The following PRKN variants were observed in gnomAD, a reference collection of about 807,000 sequenced individuals.
The protein encoded by PRKN is E3 ubiquitin-protein ligase parkin.
PRKN carries 56 observed loss-of-function variants against 59.5 expected under a neutral mutation model. That is an observed-to-expected ratio of 0.94 (90% CI 0.76 to 1.18). The LOEUF (loss-of-function observed/expected upper bound fraction) is 1.18, where lower values mean the gene tolerates loss of function less well. Ranked by LOEUF, PRKN falls within the 50% of genes most tolerant of loss-of-function variation. PRKN has a pLI of 0.00. For synonymous variants in PRKN, 250 were observed against 222.1 expected (o/e 1.13, Z -1.12); for missense variants, 657 against 596.4 (o/e 1.10, Z -1.06).
At chr6:162,514,761 T>C (rs1777773768) in intron 1 of PRKN, among the ~76,000 whole-genome samples, 1 of 152,070 alleles carries the variant, frequency 6.6e-6, no homozygotes, top group Non-Finnish European at 1.5e-5. Context: ...GAGACCCATC[T>C]CTATAAAAGA....
intron 7 of PRKN, among the ~76,000 whole-genome samples, chr6:161,604,756 G>A (rs1455537915): frequency 2.6e-5 from 4 of 152,212 alleles, no homozygotes; most frequent in South Asian, 4.1e-4. Context: ...CTAACATGGC[G>A]AAACCCTGTC....
At chr6:161,779,127 A>G (rs949991581) in intron 7 of PRKN, among the ~76,000 whole-genome samples, 2 of 151,970 alleles carry the variant, frequency 1.3e-5, no homozygotes, top group Non-Finnish European at 2.9e-5. Flanking sequence ...TTCACTGGAC[A>G]CGGGGTTTCA....
At chr6:162,045,549 A>G (rs1001600932) in intron 5 of PRKN, among the ~76,000 whole-genome samples, 1 of 152,238 alleles carries the variant, frequency 6.6e-6, no homozygotes, top group African/African-American at 2.4e-5. Flanking sequence ...TATGCTTATA[A>G]TTTCCATTCT....
intron 3 of PRKN, among the ~76,000 whole-genome samples, chr6:162,240,075 G>A (rs184636325): frequency 7.8e-4 from 119 of 152,176 alleles, no homozygotes; most frequent in Middle Eastern, 6.8e-3. Context: ...ATTTGTTCAC[G>A]AATGTCAATA....
In PRKN at chr6:161,475,636, G is replaced by A. The variant is rs1327135384; in HGVS notation, c.1083+73218C>T. Among the ~76,000 whole-genome samples, 2 of 152,026 alleles carry A rather than the reference G, an allele frequency of 1.3e-5. No individual in the cohort carries two copies. Among genetic ancestry groups the A allele is most frequent in the African/African-American group, 4.8e-5 (2 of 41,412 alleles). On this transcript the variant is annotated intron_variant, in intron 9 of 11. Transcript: ENST00000366898. The surrounding 1 kb of genome is among the most constrained non-coding windows in gnomAD (Gnocchi z 5.3). ...TCCCACCTCAGCCTTTTGGGTAGCT[G>A]AGGCATTTTTGTATTTTTTGTAGAG... is the stretch of plus-strand genomic sequence containing the variant.
At chr6:162,655,440 T>A (rs891754648) in intron 1 of PRKN, among the ~76,000 whole-genome samples, 3 of 152,182 alleles carry the variant, frequency 2.0e-5, no homozygotes, top group African/African-American at 7.2e-5. Context: ...TTTATTTTTT[T>A]AAGCGTATAT....
At chr6:162,464,895 C>T (rs1336998620) in intron 1 of PRKN, among the ~76,000 whole-genome samples, 1 of 94,216 alleles carries the variant, frequency 1.1e-5, no homozygotes, top group Non-Finnish European at 2.8e-5. Flanking sequence ...TTTTAAGAGC[C>T]CCCCCTCCTC....
At position 161,538,643 on chromosome 6, in the gene PRKN, G is replaced by A. The variant is rs185685635; in HGVS notation, c.1083+10211C>T. Among the ~76,000 whole-genome samples, 13 of 152,214 alleles carry A rather than the reference G, an allele frequency of 8.5e-5. No individual in the cohort carries two copies. The highest frequency in any genetic ancestry group is 2.6e-4 in the African/African-American group (11 of 41,538). ...CCTGGGGCCCACTGAGATGCCAAGC[G>A]GAGAAGGAGGAAAAATGGCTGCATT... is the stretch of plus-strand genomic sequence containing the variant. On this transcript the variant is annotated intron_variant, in intron 9 of 11. Transcript: ENST00000366898. The surrounding 1 kb of genome is among the most constrained non-coding windows in gnomAD (Gnocchi z 4.2).
At chr6:162,247,023 T>C (rs565287718) in intron 3 of PRKN, among the ~76,000 whole-genome samples, 2 of 152,028 alleles carry the variant, frequency 1.3e-5, no homozygotes, top group South Asian at 4.2e-4. Flanking sequence ...ATACATACTA[T>C]AGAATGGCTA....
At chr6:162,510,964 A>C (rs1047315057) in intron 1 of PRKN, among the ~76,000 whole-genome samples, 4 of 50,438 alleles carry the variant, frequency 7.9e-5, no homozygotes, top group African/African-American at 2.7e-4. Flanking sequence ...ATATATACAT[A>C]TATATATATA....
intron 7 of PRKN, among the ~76,000 whole-genome samples, chr6:161,639,710 T>A (rs1304818432): frequency 1.3e-5 from 2 of 152,216 alleles, no homozygotes; most frequent in Non-Finnish European, 2.9e-5. Context: ...ACCCTCTGTG[T>A]ATCTTTGCCA....
At chr6:162,347,177 T>A (rs1256020783) in intron 2 of PRKN, among the ~76,000 whole-genome samples, 1 of 151,566 alleles carries the variant, frequency 6.6e-6, no homozygotes, top group Non-Finnish European at 1.5e-5. Context: ...TTCTTTAGGT[T>A]CTTTCTGTTG....
At chr6:161,959,941 T>TA (rs1780320335) in intron 6 of PRKN, among the ~76,000 whole-genome samples, 1 of 152,174 alleles carries the variant, frequency 6.6e-6, no homozygotes, top group Admixed American at 6.5e-5. Flanking sequence ...AAGCTGTTCT[T>TA]ATGACCTCCA....
At chr6:161,867,759 T>TATTTATG (rs1794179603) in intron 6 of PRKN, among the ~76,000 whole-genome samples, 4 of 150,122 alleles carry the variant, frequency 2.7e-5, no homozygotes, top group African/African-American at 9.8e-5. Flanking sequence ...ATTTATTTAT[T>TATTTATG]TATTTATTTA....
intron 3 of PRKN, among the ~76,000 whole-genome samples, chr6:162,247,046 A>G (rs1779227891): frequency 6.6e-6 from 1 of 151,146 alleles, no homozygotes; most frequent in South Asian, 2.1e-4. Flanking sequence ...TTTTTGAGTC[A>G]CATTAATTGT....
Position 161,361,693 on chromosome 6 carries a change from G to A in PRKN, c.1168-1488C>T, listed in dbSNP as rs1435092912. Among the ~76,000 whole-genome samples, 3 of 152,200 alleles carry A rather than the reference G, an allele frequency of 2.0e-5. No individual in the cohort carries two copies. The highest frequency in any genetic ancestry group is 4.8e-5 in the African/African-American group (2 of 41,450). On this transcript the variant is annotated intron_variant, in intron 10 of 11. Coordinates refer to ENST00000366898, the MANE Select transcript of PRKN (RefSeq NM_004562.3). The surrounding 1 kb of genome is among the most constrained non-coding windows in gnomAD (Gnocchi z 5.2). ...CGTTTCTGTTAATGAGCCATCATGG[G>A]CACAAAGGAAACACCCTTGAGAACT...
chr6:162,425,475 G>T (rs1789191428), intron 2 of PRKN, among the ~76,000 whole-genome samples: 1 of 152,178 alleles, frequency 6.6e-6, no homozygotes, highest in South Asian at 2.1e-4. Flanking sequence ...TTTTTCAAAT[G>T]ATTAAAGACT....
At chr6:161,984,794 C>G (rs745639525) in intron 5 of PRKN, among the ~76,000 whole-genome samples, 3 of 152,148 alleles carry the variant, frequency 2.0e-5, no homozygotes, top group Non-Finnish European at 1.5e-5. Flanking sequence ...GTTAGCATTT[C>G]ATGAAGGGTC....
chr6:161,866,236 C>T (rs1486630200), intron 6 of PRKN, among the ~76,000 whole-genome samples: 2 of 151,828 alleles, frequency 1.3e-5, no homozygotes, highest in African/African-American at 2.4e-5. Context: ...TCACAGGTCA[C>T]CATAACAGAT....
Sources: gnomAD v4.1 joint callset for allele counts (sites outside exome capture counted in the v4.1 genomes callset) on GRCh38, gnomAD v4.1.1 for gene constraint, Gnocchi (gnomAD v3.1) non-coding constraint, MANE v1.5 for transcripts, NCBI Gene and HGNC (gene_info 2026-07-23, HGNC 2026-07-21) for gene names.